TST: variants seen among roughly 807,000 people sequenced by gnomAD.
TST encodes thiosulfate sulfurtransferase, also known as epididymis secretory sperm binding protein.
Under a neutral mutation model 20.4 loss-of-function variants are expected in TST, and 22 were observed. The ratio of observed to expected loss-of-function variants is 1.08; its 90% CI spans 0.77 to 1.54. The LOEUF (loss-of-function observed/expected upper bound fraction) is 1.54, where lower values mean the gene tolerates loss of function less well. Ranked by LOEUF, TST falls within the 40% of genes most tolerant of loss-of-function variation. The probability of loss-of-function intolerance (pLI) is 0.00; values close to 1 mark genes in which losing one functional copy is unlikely to be tolerated. For synonymous variants in TST, 187 were observed against 173.8 expected, an observed-to-expected ratio of 1.08 and a Z score of -0.60; for missense variants, 392 against 405.2, an observed-to-expected ratio of 0.97 and a Z score of 0.28.
rs928862643 is a variant in TST at position 37,018,403 on chromosome 22, G to A, written c.330C>T (p.Pro110=). ...ACACACGGAACATCCACCAGACCCG[G>A]GGAGCATAGAAGCTGCCCAGGTGTT... ...DGEHLGSFYA[P]RVWWMFRVFG... Residue 110 remains proline (P), a synonymous_variant, in exon 2 of 3, where the codon CCC becomes CCT. Coordinates refer to ENST00000249042, the MANE Select transcript of TST (RefSeq NM_003312.6). 7.4e-6 allele frequency: 12 copies of A among 1,613,692 alleles called. No individual in the cohort carries two copies. The African/African-American group carries it at 1.2e-4, about 16-fold the overall frequency.
Position 37,011,305 on chromosome 22 carries a change from G to A in TST, c.616C>T (p.Arg206Cys), listed in dbSNP as rs61742280. The A allele has an allele frequency of 6.5e-4, 1,044 of 1,613,174 alleles. 11 individuals carry two copies. In the African/African-American group the frequency reaches 9.7e-3, roughly 15 times the overall value. ...DAVGLDSGHIRGAVNMPFMDF... is the reference protein window; with the variant it reads ...DAVGLDSGHICGAVNMPFMDF... Reference sequence around the variant, plus strand: ...ATGAAAGGCATGTTGACGGCACCACGGATATGGCCCGAGTCCAGTCCTGGG... The same window carrying A: ...ATGAAAGGCATGTTGACGGCACCACAGATATGGCCCGAGTCCAGTCCTGGG... The change falls in exon 3 of 3, where the codon CGT becomes TGT. Residue 206 changes from arginine (R) to cysteine (C), a missense_variant. By Grantham distance (180) the Arg-to-Cys change is radical. Transcript: ENST00000249042.
At chr22:37,018,955 G>C (rs1311580516) in intron 1 of TST, 8 of 453,588 alleles carry the variant, frequency 1.8e-5, no homozygotes, top group Non-Finnish European at 2.7e-5. Context: ...CCTCCCAGCC[G>C]GCCCGGGGGC....
upstream of TST, chr22:37,020,062 C>G: frequency 2.7e-5 from 9 of 327,714 alleles, no homozygotes; most frequent in Non-Finnish European, 2.7e-5. Flanking sequence ...GGGGTCGTGG[C>G]GAGTGGCGGG....
Position 37,018,281 on chromosome 22 carries a change from G to A in TST, c.452C>T (p.Ala151Val). ...GCGGTCCAGTGTGGCTTTGAAGACG[G>A]CCGGTTCTGGGCGTGAGGGCTCGGA... ...VTSEPSRPEP[A>V]VFKATLDRSL... Residue 151 changes from alanine (A) to valine (V), a missense_variant, in exon 2 of 3, where the codon GCC becomes GTC. Transcript: ENST00000249042. 1 of 1,614,060 alleles carries A rather than the reference G, an allele frequency of 6.2e-7. No homozygotes were observed. Among genetic ancestry groups the A allele is most frequent in the Non-Finnish European group, 8.5e-7 (1 of 1,180,020 alleles).
chr22:37,020,182 C>G (rs918319388), upstream of TST: 1 of 340,932 alleles, frequency 2.9e-6, no homozygotes, highest in Non-Finnish European at 5.3e-6. Context: ...CAGGAAGAGA[C>G]ACTAGCCAAT....
chr22:37,014,428 GA>G (rs1922600582), intron 2 of TST, among the ~76,000 whole-genome samples: 1 of 152,258 alleles, frequency 6.6e-6, no homozygotes. Context: ...CGTTGGGCCA[GA>G]AAGCAGAGGC....
intron 2 of TST, among the ~76,000 whole-genome samples, chr22:37,017,195 A>G (rs1199402966): frequency 6.6e-6 from 1 of 152,150 alleles, no homozygotes; most frequent in Non-Finnish European, 1.5e-5. Flanking sequence ...CTGCCTCTAG[A>G]AAAGGGAAGA....
upstream of TST, chr22:37,019,700 G>A: frequency 2.5e-6 from 1 of 393,384 alleles, no homozygotes; most frequent in Non-Finnish European, 4.4e-6. Flanking sequence ...GCCAGTGGAA[G>A]GCGCGGGCAG....
intron 2 of TST, among the ~76,000 whole-genome samples, chr22:37,015,170 C>T (rs1400594966): frequency 6.6e-6 from 1 of 152,246 alleles, no homozygotes; most frequent in African/African-American, 2.4e-5. Flanking sequence ...AAGCCCCTTC[C>T]TTGTCCCCAC....
upstream of TST, chr22:37,019,856 G>A: frequency 2.5e-6 from 3 of 1,222,752 alleles, no homozygotes; most frequent in East Asian, 9.5e-5. Flanking sequence ...CCAGGAAGCC[G>A]GGAGTCCGAG....
intron 2 of TST, among the ~76,000 whole-genome samples, chr22:37,016,646 C>T (rs1361408491): frequency 6.6e-6 from 1 of 152,142 alleles, no homozygotes; most frequent in Admixed American, 6.6e-5. Context: ...GATCCTCCCC[C>T]ATGACAGCTT....
At chr22:37,018,025 A>G (rs1290053019) in intron 2 of TST, 113 bp downstream of exon 2, 1 of 784,510 alleles carries the variant, frequency 1.3e-6, no homozygotes, top group Non-Finnish European at 1.9e-6. Flanking sequence ...TGAGGCCTAC[A>G]TGGGAGGATT....
chr22:37,016,574 T>C (rs1025793659), intron 2 of TST, among the ~76,000 whole-genome samples: 5 of 152,096 alleles, frequency 3.3e-5, no homozygotes. Context: ...AGCTGTCCCT[T>C]CCACTTATTT....
Position 37,018,426 on chromosome 22 carries a change from G to T in TST, c.307C>A (p.His103Asn). The change falls in exon 2 of 3, where the codon CAC (histidine) becomes AAC (asparagine). Residue 103 changes from histidine to asparagine, a missense_variant. By Grantham distance (68) the His-to-Asn change is moderately conservative. Transcript: ENST00000249042. Reference sequence around the variant, plus strand: ...CGGGGAGCATAGAAGCTGCCCAGGTGTTCACCATCATACACCACCACGTGC... The same window carrying T: ...CGGGGAGCATAGAAGCTGCCCAGGTTTTCACCATCATACACCACCACGTGC... ...HTHVVVYDGE[H>N]LGSFYAPRVW... 1.2e-6 allele frequency: 2 copies of T among 1,613,614 alleles called. No homozygotes were observed. Among genetic ancestry groups the T allele is most frequent in the Admixed American group, 1.7e-5 (1 of 60,004 alleles).
At position 37,018,581 on chromosome 22, in the gene TST, C is replaced by T. The variant is rs760695375; in HGVS notation, c.152G>A (p.Arg51His). ...TREARKEYLERHVPGASFFDI... is the reference protein window; with the variant it reads ...TREARKEYLEHHVPGASFFDI... ...AAAGAAAGAGGCGCCGGGTACGTGGCGCTCGAGGTACTCCTTGCGGGCCTC... is the reference window on the plus strand; with the variant it reads ...AAAGAAAGAGGCGCCGGGTACGTGGTGCTCGAGGTACTCCTTGCGGGCCTC... The change falls in exon 2 of 3, where the codon CGC becomes CAC. Residue 51 changes from arginine (R) to histidine (H), a missense_variant. Coordinates refer to ENST00000249042, the MANE Select transcript of TST (RefSeq NM_003312.6). 2.2e-5 allele frequency: 34 copies of T among 1,562,200 alleles called. No homozygotes were observed. The Admixed American group carries it at 4.4e-4, about 20-fold the overall frequency.
At chr22:37,011,388 A>C in intron 2 of TST, 63 bp from the exon 3 acceptor site, 1 of 1,520,684 alleles carries the variant, frequency 6.6e-7, no homozygotes, top group Non-Finnish European at 9.0e-7. Flanking sequence ...TGGGGCCTGG[A>C]GGATTCCATC....
Position 37,018,645 on chromosome 22 carries a change from G to A in TST, c.88C>T (p.Arg30Trp). 1 of 1,566,232 alleles carries A rather than the reference G, an allele frequency of 6.4e-7. No homozygotes were observed. Among genetic ancestry groups the A allele is most frequent in the Non-Finnish European group, 8.7e-7 (1 of 1,155,540 alleles). Residue 30 changes from arginine to tryptophan, a missense_variant, in exon 2 of 3, where the codon CGG becomes TGG. Transcript: ENST00000249042. Reference sequence around the variant, plus strand: ...GAGTACCAGGACGCGTCCAGCACCCGCAGGCCGGGCCCCAGCTTGCCAGTC... The same window carrying A: ...GAGTACCAGGACGCGTCCAGCACCCACAGGCCGGGCCCCAGCTTGCCAGTC... Reference protein sequence around the residue: ...IRTGKLGPGLRVLDASWYSPG... With the variant: ...IRTGKLGPGLWVLDASWYSPG...
chr22:37,011,342 A>G lies in TST; in HGVS notation c.596-17T>C, dbSNP rs748041019. On this transcript the variant is annotated splice_polypyrimidine_tract_variant and intron_variant, in intron 2 of 2. Transcript: ENST00000249042. The stretch of plus-strand genomic sequence containing the variant: ...AGTCCAGTCCTGGGCAGGGCAGAGG[A>G]CACAGCTTAGGGGATGTATGAGGGG... 1 of 1,603,798 alleles carries G rather than the reference A, an allele frequency of 6.2e-7. No homozygotes were observed. Among genetic ancestry groups the G allele is most frequent in the Non-Finnish European group, 8.5e-7 (1 of 1,172,470 alleles).
At chr22:37,019,362 G>T (rs1483550915) in intron 1 of TST, 38 bp downstream of exon 1, 2 of 151,790 alleles carry the variant, frequency 1.3e-5, no homozygotes, top group African/African-American at 2.4e-5. Flanking sequence ...CCGACCGGCG[G>T]CCCAGGCGCC....
Sources: allele counts gnomAD v4.1 joint callset (sites outside exome capture counted in the v4.1 genomes callset), GRCh38; gene constraint gnomAD v4.1.1; transcripts MANE v1.5; gene names NCBI Gene and HGNC (gene_info 2026-07-23, HGNC 2026-07-21).